Variants in LMTK3 observed in about 807,000 individuals in gnomAD.
The protein encoded by LMTK3 is serine/threonine-protein kinase LMTK3.
Under a neutral mutation model 116.7 loss-of-function variants are expected in LMTK3, and 27 were observed. The ratio of observed to expected loss-of-function variants is 0.23; its 90% CI spans 0.17 to 0.32. The LOEUF (loss-of-function observed/expected upper bound fraction) is 0.32, where lower values mean the gene tolerates loss of function less well. Ranked by LOEUF, LMTK3 falls within the 10% of genes least tolerant of loss-of-function variation. The probability of loss-of-function intolerance (pLI) is 1.00; values close to 1 mark genes in which losing one functional copy is unlikely to be tolerated. For synonymous variants in LMTK3, 965 were observed against 971.0 expected (o/e 0.99, Z 0.11); for missense variants, 1,764 against 2,068.5 (o/e 0.85, Z 2.86).
rs2147546803 is a variant in LMTK3 at position 48,499,601 on chromosome 19, G to A, written c.1468C>T (p.Arg490Trp). Residue 490 changes from arginine to tryptophan, a missense_variant, in exon 11 of 15, where the codon CGG becomes TGG. Physicochemically the swap from Arg to Trp is moderately radical, Grantham distance 101 (BLOSUM62 -3). Around this residue, in one of 7 missense-constraint regions of LMTK3, gnomAD observed 1,028 missense variants for 1,050.6 expected, o/e 0.98. Transcript: ENST00000600059. ...LWEKARRGAG[R>W]GGGAPAWQPA... Reference sequence around the variant, plus strand: ...TGCCAGGCAGGTGCCCCCCCACCCCGGCCGGCCCCACGCCGGGCCTTCTCC... The same window carrying A: ...TGCCAGGCAGGTGCCCCCCCACCCCAGCCGGCCCCACGCCGGGCCTTCTCC... 1 of 1,540,084 alleles carries A rather than the reference G, an allele frequency of 6.5e-7. No individual in the cohort carries two copies. The highest frequency in any genetic ancestry group is 1.4e-5 in the African/African-American group (1 of 72,000).
intron 5 of LMTK3, 68 bp downstream of exon 5, chr19:48,508,783 T>C (rs1206105941): frequency 2.5e-6 from 3 of 1,200,568 alleles, no homozygotes; most frequent in Non-Finnish European, 2.5e-6. Context: ...TGTGACCCCA[T>C]ACAGCACTCC....
In LMTK3 at chr19:48,493,921, C is replaced by G; in HGVS notation, c.3865G>C (p.Glu1289Gln). 1 of 1,030,580 alleles carries G rather than the reference C, an allele frequency of 9.7e-7. No individual in the cohort carries two copies. 63.8% of individuals were successfully genotyped at this position (1,030,580 alleles called of 1,614,324 possible). A position where few individuals can be genotyped will look rare whatever the true frequency, so the allele number is the denominator to read the frequency against. The change falls in exon 12 of 15, where the codon GAG (glutamate) becomes CAG (glutamine). Residue 1289 changes from glutamate to glutamine, a missense_variant. Physicochemically the swap from Glu to Gln is conservative, Grantham distance 29. Around this residue, in one of 7 missense-constraint regions of LMTK3, gnomAD observed 281 missense variants for 301.4 expected, o/e 0.93. Coordinates refer to ENST00000600059, the MANE Select transcript of LMTK3 (RefSeq NM_001388485.1). ...EDEDEDEEEDEEAAAPGAAAG... is the reference protein window; with the variant it reads ...EDEDEDEEEDQEAAAPGAAAG... ...GCCGCGCCCGGCGCCGCCGCCTCCT[C>G]GTCCTCCTCCTCGTCCTCGTCCTCG...
In LMTK3 at chr19:48,498,581, G is replaced by A; in HGVS notation, c.2488C>T (p.Pro830Ser). Reference protein sequence around the residue: ...RPRAPPEPPDPGAPRPPPDPG... With the variant: ...RPRAPPEPPDSGAPRPPPDPG... ...TCTGGAGGTGGCCGGGGCGCTCCTG[G>A]GTCGGGTGGCTCGGGGGGAGCCCGC... Residue 830 changes from proline to serine, a missense_variant, in exon 11 of 15, where the codon CCA becomes TCA. Physicochemically the swap from Pro to Ser is moderately conservative, Grantham distance 74. Around this residue, in one of 7 missense-constraint regions of LMTK3, gnomAD observed 1,028 missense variants for 1,050.6 expected, o/e 0.98. Coordinates refer to ENST00000600059, the MANE Select transcript of LMTK3 (RefSeq NM_001388485.1). 1 of 1,553,812 alleles carries A rather than the reference G, an allele frequency of 6.4e-7. No homozygotes were observed. The highest frequency in any genetic ancestry group is 2.4e-5 in the East Asian group (1 of 41,026).
intron 5 of LMTK3, among the ~76,000 whole-genome samples, chr19:48,505,062 T>G (rs1355826566): frequency 6.6e-6 from 1 of 151,474 alleles, no homozygotes; most frequent in Non-Finnish European, 1.5e-5. Flanking sequence ...TCTCATGGTA[T>G]TTGTCATTCT....
chr19:48,495,229 C>T (rs964031420), intron 11 of LMTK3, among the ~76,000 whole-genome samples: 4 of 151,960 alleles, frequency 2.6e-5, no homozygotes, highest in East Asian at 1.9e-4. Flanking sequence ...AGGCTGGTCT[C>T]GAACTCCTGA....
Position 48,497,481 on chromosome 19 carries a change from G to T in LMTK3, c.3588C>A (p.Asp1196Glu), listed in dbSNP as rs757437944. 3.0e-5 allele frequency: 45 copies of T among 1,495,550 alleles called. No homozygotes were observed. In the Middle Eastern group the frequency reaches 5.4e-4, roughly 18 times the overall value. The allele number at this position is 1,495,550 out of a possible 1,614,324, so 92.6% of individuals were successfully genotyped here. ...GGCCCTTCCTCTCGGGCTTGGGGGG[G>T]TCCCCGTCTCCGCTGAGTGCCGTGT... Reference protein sequence around the residue: ...GGDTALSGDGDPPKPERKGPE... With the variant: ...GGDTALSGDGEPPKPERKGPE... The change falls in exon 11 of 15, where the codon GAC becomes GAA. Residue 1196 changes from aspartate (D) to glutamate (E), a missense_variant. By Grantham distance (45) the Asp-to-Glu change is conservative. Coordinates refer to ENST00000600059, the MANE Select transcript of LMTK3 (RefSeq NM_001388485.1). This position sits in a 1 kb window ranked among gnomAD's most constrained non-coding sequence, Gnocchi z 5.7.
chr19:48,493,780 C>T lies in LMTK3; in HGVS notation c.4006G>A (p.Ala1336Thr), dbSNP rs774754694. 1.3e-6 allele frequency: 2 copies of T among 1,540,848 alleles called. No individual in the cohort carries two copies. Among genetic ancestry groups the T allele is most frequent in the Non-Finnish European group, 1.7e-6 (2 of 1,144,242 alleles). Residue 1336 changes from alanine (A) to threonine (T), a missense_variant, in exon 12 of 15, where the codon GCC becomes ACC. By Grantham distance (58) the Ala-to-Thr change is moderately conservative. Transcript: ENST00000600059. The stretch of plus-strand genomic sequence containing the variant: ...AGCTCGCTGTCCTCTGGCTCGTCGG[C>T]CCCGCGCGGAGACTTGAGCAGCCCC... ...LRGLLKSPRG[A>T]DEPEDSELER... is the part of the protein sequence containing the mutation.
Position 48,497,309 on chromosome 19 carries a change from C to G in LMTK3, c.3676+84G>C. The G allele has an allele frequency of 7.4e-7, 1 of 1,357,822 alleles. No individual in the cohort carries two copies. The highest frequency in any genetic ancestry group is 9.6e-7 in the Non-Finnish European group (1 of 1,043,644). The allele number at this position is 1,357,822 out of a possible 1,614,324, so 84.1% of individuals were successfully genotyped here. The stretch of plus-strand genomic sequence containing the variant: ...CTGCATTCATCACTGCCAGCCCGAC[C>G]CGACATGTTTACCCACACTCACCCT... On this transcript the variant is annotated intron_variant, in intron 11 of 14. Coordinates refer to ENST00000600059, the MANE Select transcript of LMTK3 (RefSeq NM_001388485.1). This position sits in a 1 kb window ranked among gnomAD's most constrained non-coding sequence, Gnocchi z 5.7.
Position 48,491,075 on chromosome 19 carries a change from G to T in LMTK3, c.4366+33C>A. On this transcript the variant is annotated intron_variant, in intron 14 of 14. Transcript: ENST00000600059. This position sits in a 1 kb window ranked among gnomAD's most constrained non-coding sequence, Gnocchi z 5.1. The stretch of plus-strand genomic sequence containing the variant: ...GTGGAACATAGGGGGACAGAGATGG[G>T]CAGAGGAGGGGGCAGGGCCGAGGAT... 7.6e-7 allele frequency: 1 copy of T among 1,317,298 alleles called. No homozygotes were observed. Among genetic ancestry groups the T allele is most frequent in the Non-Finnish European group, 9.7e-7 (1 of 1,029,656 alleles). The allele number at this position is 1,317,298 out of a possible 1,614,324, so 81.6% of individuals were successfully genotyped here. A position where few individuals can be genotyped will look rare whatever the true frequency, so the allele number is the denominator to read the frequency against.
chr19:48,486,263 T>G (rs1015863659), intron 14 of LMTK3, among the ~76,000 whole-genome samples: 1 of 149,358 alleles, frequency 6.7e-6, no homozygotes, highest in Non-Finnish European at 1.5e-5. Context: ...GTTTCACCGT[T>G]TTAGCCGGGA....
intron 14 of LMTK3, among the ~76,000 whole-genome samples, chr19:48,485,997 C>T (rs527618941): frequency 6.6e-6 from 1 of 151,692 alleles, no homozygotes; most frequent in South Asian, 2.1e-4. Context: ...CAGCACGGTC[C>T]GACCCCTGGG....
In LMTK3 at chr19:48,497,329, C is replaced by T; in HGVS notation, c.3676+64G>A. 2 of 1,396,938 alleles carry T rather than the reference C, an allele frequency of 1.4e-6. No homozygotes were observed. Among genetic ancestry groups the T allele is most frequent in the Non-Finnish European group, 1.9e-6 (2 of 1,067,760 alleles). The allele number at this position is 1,396,938 out of a possible 1,614,324, so 86.5% of individuals were successfully genotyped here. On this transcript the variant is annotated intron_variant, in intron 11 of 14. Transcript: ENST00000600059. The surrounding 1 kb of genome is among the most constrained non-coding windows in gnomAD (Gnocchi z 5.7). Reference sequence around the variant, plus strand: ...CCGACCCGACATGTTTACCCACACTCACCCTCCGCACGCCTCGGAAACAGC... The same window carrying T: ...CCGACCCGACATGTTTACCCACACTTACCCTCCGCACGCCTCGGAAACAGC...
Position 48,494,133 on chromosome 19 carries a change from G to T in LMTK3, c.3677-24C>A. On this transcript the variant is annotated intron_variant, in intron 11 of 14. Transcript: ENST00000600059. The surrounding 1 kb of genome is among the most constrained non-coding windows in gnomAD (Gnocchi z 4.0). ...GGCTGCGAGGGGAGAGACCTGGTGA[G>T]CCCCTGTCCCGGTGAAACTGAGGCA... The T allele has an allele frequency of 8.5e-7, 1 of 1,176,774 alleles. No individual in the cohort carries two copies. The highest frequency in any genetic ancestry group is 4.2e-5 in the South Asian group (1 of 23,708). The allele number at this position is 1,176,774 out of a possible 1,614,324, so 72.9% of individuals were successfully genotyped here.
Position 48,500,565 on chromosome 19 carries a change from G to A in LMTK3, c.1151+431C>T, listed in dbSNP as rs2147548722. 6.6e-6 allele frequency among the ~76,000 whole-genome samples: 1 copy of A among 152,294 alleles called. No homozygotes were observed. The highest frequency in any genetic ancestry group is 1.9e-4 in the East Asian group (1 of 5,188). ...GATCCAGGGAGAAGAGGGGACAGCA[G>A]ACGGTAGAGATTCAGAGGAGGTAAC... On this transcript the variant is annotated intron_variant, in intron 10 of 14. Coordinates refer to ENST00000600059, the MANE Select transcript of LMTK3 (RefSeq NM_001388485.1). The surrounding 1 kb of genome is among the most constrained non-coding windows in gnomAD (Gnocchi z 4.0).
In LMTK3 at chr19:48,502,896, C is replaced by A. The variant is rs759694182; in HGVS notation, c.645+13G>T. 7.5e-6 allele frequency: 12 copies of A among 1,604,460 alleles called. No homozygotes were observed. In the South Asian group the frequency reaches 1.1e-4, roughly 15 times the overall value. On this transcript the variant is annotated intron_variant, in intron 6 of 14. Transcript: ENST00000600059. ...GCCCCCTCTGCCCTTCCCCAACCCC[C>A]CAAGACCCTCACCAGTTGACAGAAC... is the stretch of plus-strand genomic sequence containing the variant.
intron 11 of LMTK3, among the ~76,000 whole-genome samples, chr19:48,495,026 T>G (rs77959994): frequency 6.6e-6 from 1 of 151,914 alleles, no homozygotes; most frequent in Non-Finnish European, 1.5e-5. Flanking sequence ...TTTTTTTTTT[T>G]GAAATGAAGT....
chr19:48,498,841 TG>T lies in LMTK3; in HGVS notation c.2227del (p.Gln743SerfsTer115). The T allele has an allele frequency of 4.1e-6, 4 of 965,800 alleles. No homozygotes were observed. The highest frequency in any genetic ancestry group is 5.0e-6 in the Non-Finnish European group (4 of 800,002). The allele number at this position is 965,800 out of a possible 1,614,324, so 59.8% of individuals were successfully genotyped here. On this transcript the variant is annotated frameshift_variant, in exon 11 of 15. Transcript: ENST00000600059. LOFTEE classifies it high-confidence loss of function. The stretch of plus-strand genomic sequence containing the variant: ...GGGAGGTGGCCCCCGCCCGGGGTAC[TG>T]GGGCGCCGCCGCCCCCATGAGGGGG... ...LDPLMGAAAP[Q>X]YPGRGPPPAP...
At chr19:48,487,000 G>A (rs928342910) in intron 14 of LMTK3, among the ~76,000 whole-genome samples, 5 of 151,454 alleles carry the variant, frequency 3.3e-5, no homozygotes, top group African/African-American at 1.2e-4. Context: ...TGAGTAGCTG[G>A]GATTGCAGGT....
At position 48,498,338 on chromosome 19, in the gene LMTK3, C is replaced by G; in HGVS notation, c.2731G>C (p.Gly911Arg). 3 of 1,613,324 alleles carry G rather than the reference C, an allele frequency of 1.9e-6. No homozygotes were observed. The highest frequency in any genetic ancestry group is 1.7e-6 in the Non-Finnish European group (2 of 1,179,776). The part of the protein sequence containing the change: ...PGLNRDPTVL[G>R]NGKQAPSLSL... Reference sequence around the variant, plus strand: ...AGGCTTGGGGCTTGTTTCCCGTTGCCCAGGACTGTCGGGTCCCTGTTCAGG... The same window carrying G: ...AGGCTTGGGGCTTGTTTCCCGTTGCGCAGGACTGTCGGGTCCCTGTTCAGG... Residue 911 changes from glycine to arginine, a missense_variant, in exon 11 of 15, where the codon GGC (glycine) becomes CGC (arginine). Around this residue, in one of 7 missense-constraint regions of LMTK3, gnomAD observed 1,028 missense variants for 1,050.6 expected, o/e 0.98. Coordinates refer to ENST00000600059, the MANE Select transcript of LMTK3 (RefSeq NM_001388485.1).
Sources: gnomAD v4.1 joint callset for allele counts (sites outside exome capture counted in the v4.1 genomes callset) on GRCh38, gnomAD v4.1.1 for gene constraint, gnomAD v4.1.1 regional missense constraint, Gnocchi (gnomAD v3.1) non-coding constraint, MANE v1.5 for transcripts, NCBI Gene and HGNC (gene_info 2026-07-23, HGNC 2026-07-21) for gene names.